Variants in PRKCZ observed in about 807,000 individuals in gnomAD.
PRKCZ encodes protein kinase C zeta type.
Under a neutral mutation model 79.5 loss-of-function variants are expected in PRKCZ, and 33 were observed. The ratio of observed to expected loss-of-function variants is 0.41; its 90% CI spans 0.31 to 0.55. PRKCZ has a LOEUF of 0.55. PRKCZ is among the 20% of genes least tolerant of loss of function. The pLI is 0.19. For synonymous variants in PRKCZ, 342 were observed against 320.9 expected, an observed-to-expected ratio of 1.07 and a Z score of -0.70; for missense variants, 578 against 813.5, an observed-to-expected ratio of 0.71 and a Z score of 3.52.
At chr1:2,154,680 C>T (rs933524914) in intron 9 of PRKCZ, among the ~76,000 whole-genome samples, 5 of 152,160 alleles carry the variant, frequency 3.3e-5, no homozygotes, top group Non-Finnish European at 5.9e-5. Flanking sequence ...CCTATTTTGA[C>T]GCATTTCTTT....
At chr1:2,088,629 C>CTG (rs1055950076) in intron 4 of PRKCZ, among the ~76,000 whole-genome samples, 3 of 152,230 alleles carry the variant, frequency 2.0e-5, no homozygotes, top group East Asian at 1.9e-4. Flanking sequence ...CACCATCATC[C>CTG]TGTGTGGAAT....
chr1:2,140,170 T>C (rs1677028749), intron 5 of PRKCZ, among the ~76,000 whole-genome samples: 1 of 152,214 alleles, frequency 6.6e-6, no homozygotes, highest in African/African-American at 2.4e-5. Flanking sequence ...GCAATTCCTT[T>C]TCAAGCCAGC....
chr1:2,132,612 C>T (rs1675220675), intron 4 of PRKCZ, among the ~76,000 whole-genome samples: 3 of 152,222 alleles, frequency 2.0e-5, no homozygotes. Flanking sequence ...TCGGGCGAGA[C>T]GCCTGCTCTG....
At chr1:2,184,214 C>T (rs1204932222) in intron 16 of PRKCZ, 1 of 261,698 alleles carries the variant, frequency 3.8e-6, no homozygotes, top group African/African-American at 2.3e-5. Context: ...GGTCCTACAC[C>T]TTTATGGTCA....
intron 4 of PRKCZ, among the ~76,000 whole-genome samples, chr1:2,114,940 C>T (rs1395420914): frequency 6.6e-6 from 1 of 152,238 alleles, no homozygotes; most frequent in Non-Finnish European, 1.5e-5. Flanking sequence ...CTCCCTAAAA[C>T]ATGAAATCTG....
At chr1:2,166,225 C>A (rs1378066057) in intron 10 of PRKCZ, among the ~76,000 whole-genome samples, 1 of 152,094 alleles carries the variant, frequency 6.6e-6, no homozygotes, top group Non-Finnish European at 1.5e-5. Flanking sequence ...TCAAGACCAG[C>A]CTGGGAAATA....
intron 4 of PRKCZ, among the ~76,000 whole-genome samples, chr1:2,091,930 T>C (rs1448859584): frequency 6.6e-6 from 1 of 152,256 alleles, no homozygotes; most frequent in African/African-American, 2.4e-5. Flanking sequence ...TCCAAATCTT[T>C]ATAAAATCTT....
In PRKCZ at chr1:2,094,186, C is replaced by G. The variant is rs1349968328; in HGVS notation, c.334+34595C>G. 2.6e-5 allele frequency among the ~76,000 whole-genome samples: 4 copies of G among 152,160 alleles called. No homozygotes were observed. Among genetic ancestry groups the G allele is most frequent in the Non-Finnish European group, 5.9e-5 (4 of 68,034 alleles). ...CTCCCCCGTCCCGGGAGCAGCCCCC[C>G]CACTTCCACCTGTCTTGGACGGGAG... is the stretch of plus-strand genomic sequence containing the variant. On this transcript the variant is annotated intron_variant, in intron 4 of 17. Transcript: ENST00000378567. The surrounding 1 kb of genome is among the most constrained non-coding windows in gnomAD (Gnocchi z 7.3).
chr1:2,078,319 C>A (rs1341548880), intron 4 of PRKCZ, among the ~76,000 whole-genome samples: 8 of 152,230 alleles, frequency 5.3e-5, no homozygotes, highest in Non-Finnish European at 1.2e-4. Context: ...TTCCTCCAGC[C>A]ACACACTTAA....
intron 9 of PRKCZ, among the ~76,000 whole-genome samples, chr1:2,155,773 G>T (rs1680911143): frequency 6.6e-6 from 1 of 151,760 alleles, no homozygotes; most frequent in Non-Finnish European, 1.5e-5. Context: ...TGACGGTGGT[G>T]ATGATGACAG....
At chr1:2,152,871 A>G (rs1571859369) in intron 9 of PRKCZ, among the ~76,000 whole-genome samples, 1 of 152,180 alleles carries the variant, frequency 6.6e-6, no homozygotes, top group African/African-American at 2.4e-5. Flanking sequence ...TGGAGGCCCC[A>G]CGTTTGTGCG....
intron 10 of PRKCZ, among the ~76,000 whole-genome samples, chr1:2,166,390 G>C (rs1285142276): frequency 6.6e-6 from 1 of 152,226 alleles, no homozygotes; most frequent in Non-Finnish European, 1.5e-5. Context: ...CTGCACTCCA[G>C]CCTGAGTGAC....
Position 2,184,544 on chromosome 1 carries a change from C to A in PRKCZ, c.1576-39C>A, listed in dbSNP as rs190090688. The A allele has an allele frequency of 3.3e-6, 5 of 1,508,840 alleles. No homozygotes were observed. In the Admixed American group the frequency reaches 8.8e-5, roughly 26 times the overall value. 93.5% of individuals were successfully genotyped at this position (1,508,840 alleles called of 1,614,324 possible). A position where few individuals can be genotyped will look rare whatever the true frequency, so the allele number is the denominator to read the frequency against. ...AACACTCAATCTGGTAGGGATGATG[C>A]CCGCGCGGAGCTGACCCTTCTCCTA... On this transcript the variant is annotated intron_variant, in intron 16 of 17. Transcript: ENST00000378567.
At chr1:2,073,452 C>A in intron 4 of PRKCZ, 1 of 193,196 alleles carries the variant, frequency 5.2e-6, no homozygotes, top group Non-Finnish European at 9.5e-6. Context: ...CGCTGTCCCC[C>A]ACTCCCAGCC....
intron 4 of PRKCZ, among the ~76,000 whole-genome samples, chr1:2,077,134 G>A (rs996578228): frequency 1.3e-5 from 2 of 152,244 alleles, no homozygotes; most frequent in African/African-American, 4.8e-5. Context: ...CTGTGAGCAC[G>A]TCTGACGGGT....
chr1:2,118,610 T>C (rs980208860), intron 4 of PRKCZ, among the ~76,000 whole-genome samples: 6 of 152,168 alleles, frequency 3.9e-5, no homozygotes, highest in Admixed American at 6.5e-5. Context: ...GTGCTGGGAT[T>C]ACAGGCGTGA....
chr1:2,183,042 A>G (rs542518461), intron 16 of PRKCZ, among the ~76,000 whole-genome samples: 2 of 152,274 alleles, frequency 1.3e-5, no homozygotes, highest in East Asian at 1.9e-4. Context: ...CCTGGTCAAC[A>G]TGGTGAAACC....
intron 10 of PRKCZ, among the ~76,000 whole-genome samples, chr1:2,159,626 C>T (rs1681822233): frequency 6.6e-6 from 1 of 152,230 alleles, no homozygotes; most frequent in Non-Finnish European, 1.5e-5. Flanking sequence ...CCTCTTCTGG[C>T]CGGCCATGTT....
intron 4 of PRKCZ, among the ~76,000 whole-genome samples, chr1:2,121,224 C>T (rs542490406): frequency 3.3e-5 from 5 of 152,158 alleles, no homozygotes; most frequent in East Asian, 3.8e-4. Flanking sequence ...CCCAGTGTGG[C>T]GGGGGCAGTC....
Sources: allele counts gnomAD v4.1 joint callset (sites outside exome capture counted in the v4.1 genomes callset), GRCh38; gene constraint gnomAD v4.1.1; non-coding constraint Gnocchi (gnomAD v3.1); transcripts MANE v1.5; gene names NCBI Gene and HGNC (gene_info 2026-07-23, HGNC 2026-07-21).